KAZN: variants seen among roughly 807,000 people sequenced by gnomAD.
KAZN encodes the protein kazrin.
In KAZN, 40 loss-of-function variants were observed where a neutral mutation model predicts 87.4. The ratio of observed to expected loss-of-function variants is 0.46; its 90% confidence interval spans 0.36 to 0.60. The LOEUF (loss-of-function observed/expected upper bound fraction) is 0.60. KAZN is among the 20% of genes least tolerant of loss of function. The pLI, the probability that KAZN is intolerant of heterozygous loss-of-function variation, is 0.00. For missense variants in KAZN, 898 were observed against 1,073.9 expected (o/e 0.84, Z 2.29); for synonymous variants, 466 against 458.3 (o/e 1.02, Z -0.22).
intron 2 of KAZN, among the ~76,000 whole-genome samples, chr1:14,470,854 T>A (rs546353314): frequency 6.6e-6 from 1 of 152,304 alleles, no homozygotes; most frequent in South Asian, 2.1e-4. Context: ...GAATAGAGTA[T>A]GACTTTTGAG....
intron 2 of KAZN, among the ~76,000 whole-genome samples, chr1:14,427,618 A>ATG (rs1040185479): frequency 3.4e-4 from 44 of 128,338 alleles, no homozygotes; most frequent in Non-Finnish European, 3.6e-4. Context: ...GTGTGTATAT[A>ATG]TATGGTATAT....
rs180732581 is a variant in KAZN, at chr1:14,419,289, C to T, written c.250-179694C>T. 1.1e-4 allele frequency among the ~76,000 whole-genome samples: 17 copies of T among 152,266 alleles called. No individual in the cohort carries two copies. The East Asian group carries it at 2.9e-3, about 26-fold the overall frequency. On this transcript the variant is annotated intron_variant, in intron 2 of 16. Transcript: ENST00000636203. ...CAGTGACTTTCCCAAAGTCATAAAG[C>T]GCAAAAGAAAGAAAGGCCGGGTCTG... is the stretch of plus-strand genomic sequence containing the variant.
At chr1:14,419,950 G>A (rs746613281) in intron 2 of KAZN, among the ~76,000 whole-genome samples, 5 of 152,146 alleles carry the variant, frequency 3.3e-5, no homozygotes, top group Admixed American at 2.6e-4. Context: ...TCCACAAGGT[G>A]GAAGGGAACA....
At chr1:14,132,842 T>A (rs1645019847) in intron 1 of KAZN, among the ~76,000 whole-genome samples, 1 of 152,184 alleles carries the variant, frequency 6.6e-6, no homozygotes, top group Non-Finnish European at 1.5e-5. Context: ...ATGCTTGGGT[T>A]CTGTAACTAT....
At chr1:14,575,378 C>T (rs1370007607) in intron 2 of KAZN, among the ~76,000 whole-genome samples, 1 of 152,138 alleles carries the variant, frequency 6.6e-6, no homozygotes, top group Admixed American at 6.5e-5. Context: ...TGGTGGCAGA[C>T]AAGAGAGAAT....
rs184258038 is a variant in KAZN at position 13,999,768 on chromosome 1, G to T, written c.91+106012G>T. 1.5e-4 allele frequency among the ~76,000 whole-genome samples: 23 copies of T among 152,112 alleles called. No individual in the cohort carries two copies. In the East Asian group the frequency reaches 4.2e-3, roughly 28 times the overall value. Reference sequence around the variant, plus strand: ...AAAGTATCAATGAATCCAGGAGCTGGTTTTTTGAAAAAATTAACAAAATAA... The same window carrying T: ...AAAGTATCAATGAATCCAGGAGCTGTTTTTTTGAAAAAATTAACAAAATAA... On this transcript the variant is annotated intron_variant, in intron 1 of 16. Transcript: ENST00000636203.
At position 14,598,922 on chromosome 1, in the gene KAZN, G is replaced by T; in HGVS notation, c.-76G>T. 6.4e-7 allele frequency: 1 copy of T among 1,552,038 alleles called. No individual in the cohort carries two copies. The highest frequency in any genetic ancestry group is 8.7e-7 in the Non-Finnish European group (1 of 1,154,104). ...GGAGGACACAACAGGTAGAGCCGGG[G>T]GTGCCCGGCCGCGCGCCCCCCGCGC... On this transcript the variant is annotated 5_prime_UTR_variant, in exon 1 of 15. Transcript: ENST00000376030. This position sits in a 1 kb window ranked among gnomAD's most constrained non-coding sequence, Gnocchi z 4.2.
intron 8 of KAZN, among the ~76,000 whole-genome samples, chr1:15,073,974 G>A (rs538951758): frequency 1.3e-5 from 2 of 152,308 alleles, no homozygotes; most frequent in South Asian, 4.1e-4. Context: ...AGGAGGCCCA[G>A]TCTTCTTCAC....
At chr1:14,108,261 C>G (rs891971800) in intron 1 of KAZN, among the ~76,000 whole-genome samples, 1 of 151,998 alleles carries the variant, frequency 6.6e-6, no homozygotes, top group African/African-American at 2.4e-5. Flanking sequence ...CTCCACCAAG[C>G]CAGGGGGAGG....
intron 1 of KAZN, among the ~76,000 whole-genome samples, chr1:14,950,017 A>G (rs1662294060): frequency 6.6e-6 from 1 of 152,028 alleles, no homozygotes; most frequent in African/African-American, 2.4e-5. Flanking sequence ...CACCTAACGG[A>G]AAAAACAGTT....
At chr1:14,967,909 T>TATTA (rs1182471806) in intron 2 of KAZN, among the ~76,000 whole-genome samples, 1 of 152,120 alleles carries the variant, frequency 6.6e-6, no homozygotes, top group Non-Finnish European at 1.5e-5. Context: ...AATTAATTTG[T>TATTA]ATTATGTTAG....
At chr1:14,944,998 G>A (rs1325120057) in intron 1 of KAZN, among the ~76,000 whole-genome samples, 6 of 152,196 alleles carry the variant, frequency 3.9e-5, no homozygotes, top group Non-Finnish European at 8.8e-5. Context: ...ACAGCATCCT[G>A]GGACAAAGTA....
At chr1:14,228,876 AG>A (rs1405036867) in intron 2 of KAZN, among the ~76,000 whole-genome samples, 1 of 152,244 alleles carries the variant, frequency 6.6e-6, no homozygotes, top group Admixed American at 6.5e-5. Context: ...TAGGTGGCCC[AG>A]GTATCCCAGC....
intron 1 of KAZN, among the ~76,000 whole-genome samples, chr1:14,842,148 C>T (rs1308556875): frequency 6.6e-6 from 1 of 152,208 alleles, no homozygotes; most frequent in African/African-American, 2.4e-5. Flanking sequence ...AGCCCAACCC[C>T]CACTAGAATG....
intron 1 of KAZN, among the ~76,000 whole-genome samples, chr1:13,968,897 C>T (rs1025759321): frequency 1.3e-5 from 2 of 152,174 alleles, no homozygotes; most frequent in African/African-American, 2.4e-5. Flanking sequence ...TCTACAAGTA[C>T]AGCTGTGACC....
chr1:14,974,492 A>G lies in KAZN; in HGVS notation c.418+13617A>G, dbSNP rs551262757. 6.5e-4 allele frequency among the ~76,000 whole-genome samples: 99 copies of G among 152,344 alleles called. 1 individual carries two copies. The highest frequency in any genetic ancestry group is 2.3e-3 in the African/African-American group (96 of 41,586). ...TCCTGAGTGTTTACTCACCTAGGAA[A>G]TACACATCCATACAAAGACTTGTAC... On this transcript the variant is annotated intron_variant, in intron 2 of 14. Transcript: ENST00000376030.
intron 1 of KAZN, among the ~76,000 whole-genome samples, chr1:14,010,579 C>T (rs1640249823): frequency 6.6e-6 from 1 of 152,184 alleles, no homozygotes; most frequent in South Asian, 2.1e-4. Flanking sequence ...CCCCATGGCT[C>T]AGCTTGAAAC....
chr1:14,399,389 C>T (rs1019034182), intron 2 of KAZN, among the ~76,000 whole-genome samples: 2 of 152,126 alleles, frequency 1.3e-5, no homozygotes, highest in Non-Finnish European at 2.9e-5. Flanking sequence ...TGCTTACCAA[C>T]TACATGTCTT....
At chr1:14,860,663 TG>T (rs1219957818) in intron 1 of KAZN, among the ~76,000 whole-genome samples, 26 of 152,304 alleles carry the variant, frequency 1.7e-4, no homozygotes, top group South Asian at 1.0e-3. Flanking sequence ...ATTTTCTGCT[TG>T]GGTACAAGCA....
Sources: gnomAD v4.1 joint callset for allele counts (sites outside exome capture counted in the v4.1 genomes callset) on GRCh38, gnomAD v4.1.1 for gene constraint, Gnocchi (gnomAD v3.1) non-coding constraint, MANE v1.5 for transcripts, NCBI Gene and HGNC (gene_info 2026-07-23, HGNC 2026-07-21) for gene names.